The following B3GALT1 variants were observed in gnomAD, a reference collection of about 807,000 sequenced individuals.
B3GALT1 encodes beta-1,3-galactosyltransferase 1.
B3GALT1 carries 10 observed loss-of-function variants against 23.2 expected under a neutral mutation model. That is an observed-to-expected ratio of 0.43 (90% CI 0.27 to 0.73). The LOEUF is 0.73. Among genes scored for constraint, B3GALT1 ranks in the 30% least tolerant of loss-of-function variants. B3GALT1 has a pLI of 0.21. For missense variants in B3GALT1, 299 were observed against 405.4 expected, an observed-to-expected ratio of 0.74 and a Z score of 2.25; for synonymous variants, 156 against 141.5, an observed-to-expected ratio of 1.10 and a Z score of -0.73.
intron 2 of B3GALT1, among the ~76,000 whole-genome samples, chr2:167,560,060 G>C (rs1349113528): frequency 6.6e-6 from 1 of 152,104 alleles, no homozygotes; most frequent in Admixed American, 6.6e-5. Flanking sequence ...AGAGAGAAAG[G>C]TCAGGTTACC....
intron 2 of B3GALT1, among the ~76,000 whole-genome samples, chr2:167,536,961 GGTTT>G (rs35852815): frequency 1.2e-3 from 182 of 152,012 alleles, no homozygotes; most frequent in Non-Finnish European, 1.8e-3. Context: ...GCCCAACATG[GGTTT>G]CTGAAAGCCT....
intron 2 of B3GALT1, among the ~76,000 whole-genome samples, chr2:167,509,104 A>G (rs1362296145): frequency 6.6e-5 from 10 of 152,218 alleles, no homozygotes; most frequent in Admixed American, 6.5e-4. Flanking sequence ...CCTTTGGAGC[A>G]AAAATACATT....
chr2:167,824,552 G>A (rs1324652261), intron 4 of B3GALT1, among the ~76,000 whole-genome samples: 3 of 152,250 alleles, frequency 2.0e-5, no homozygotes, highest in African/African-American at 7.2e-5. Context: ...TTGACTCCCA[G>A]TCTTGCTCTC....
chr2:167,569,039 T>C lies in B3GALT1; in HGVS notation c.-409-77870T>C, dbSNP rs116387415. Among the ~76,000 whole-genome samples the C allele has an allele frequency of 9.5e-3, 1,452 of 152,052 alleles. 22 individuals are homozygous for C. Among genetic ancestry groups the C allele is most frequent in the Non-Finnish European group, 0.012 (807 of 67,860 alleles). ...TTCAAAGATCCATTGACCATATTTA[T>C]GTGGGCTTTTTCTGGGTTCTTTATT... On this transcript the variant is annotated intron_variant, in intron 2 of 4. Transcript: ENST00000392690.
intron 1 of B3GALT1, among the ~76,000 whole-genome samples, chr2:167,326,336 GC>G (rs1338066576): frequency 6.6e-6 from 1 of 151,550 alleles, no homozygotes; most frequent in Non-Finnish European, 1.5e-5. Context: ...CTGCATATTA[GC>G]CCCCTGTTAG....
At chr2:167,517,931 A>T (rs1009390127) in intron 2 of B3GALT1, among the ~76,000 whole-genome samples, 16 of 152,148 alleles carry the variant, frequency 1.1e-4, no homozygotes, top group Admixed American at 8.5e-4. Context: ...ACTCAAGTCT[A>T]TAAAAAACAT....
At chr2:167,391,461 A>G (rs1186850635) in intron 1 of B3GALT1, among the ~76,000 whole-genome samples, 2 of 152,218 alleles carry the variant, frequency 1.3e-5, no homozygotes, top group Non-Finnish European at 2.9e-5. Flanking sequence ...GTGATGAAGA[A>G]CACTTATATG....
chr2:167,652,103 T>C (rs981435677), intron 3 of B3GALT1, among the ~76,000 whole-genome samples: 9 of 151,964 alleles, frequency 5.9e-5, no homozygotes, highest in Admixed American at 2.0e-4. Flanking sequence ...GCTGAACATA[T>C]TGGGGGGAAG....
intron 1 of B3GALT1, among the ~76,000 whole-genome samples, chr2:167,405,200 A>G (rs556402728): frequency 2.6e-5 from 4 of 152,266 alleles, no homozygotes; most frequent in African/African-American, 9.6e-5. Flanking sequence ...TATAAATGCT[A>G]TTATTTAAGT....
chr2:167,568,052 A>G (rs973224434), intron 2 of B3GALT1, among the ~76,000 whole-genome samples: 1 of 152,048 alleles, frequency 6.6e-6, no homozygotes, highest in Non-Finnish European at 1.5e-5. Flanking sequence ...GTGTCTTTTC[A>G]TGGCTCAATA....
Position 167,873,719 on chromosome 2 carries a change from A to G in B3GALT1, c.*3699A>G, listed in dbSNP as rs1690392504. On this transcript the variant is annotated 3_prime_UTR_variant, in exon 5 of 5. Coordinates refer to ENST00000392690, the MANE Select transcript of B3GALT1 (RefSeq NM_020981.4). ...CATATATGAATGATTGTATTTATGT[A>G]TTTATTTGTCAAAATTGTACATACT... The G allele has an allele frequency of 1.3e-5, 2 of 152,168 alleles. No individual in the cohort carries two copies. Among genetic ancestry groups the G allele is most frequent in the South Asian group, 4.1e-4 (2 of 4,836 alleles). The allele number at this position is 152,168 out of a possible 1,614,324, so 9.4% of individuals were successfully genotyped here.
At chr2:167,662,674 A>G (rs898568899) in intron 3 of B3GALT1, among the ~76,000 whole-genome samples, 3 of 152,000 alleles carry the variant, frequency 2.0e-5, no homozygotes, top group African/African-American at 4.8e-5. Context: ...ACAGCCTTCA[A>G]TGGCTCCCCA....
At chr2:167,502,836 C>T (rs1699866109) in intron 2 of B3GALT1, among the ~76,000 whole-genome samples, 1 of 152,076 alleles carries the variant, frequency 6.6e-6, no homozygotes, top group African/African-American at 2.4e-5. Context: ...GTCAGGAGTT[C>T]GAGACCAGCC....
intron 3 of B3GALT1, among the ~76,000 whole-genome samples, chr2:167,764,182 C>G (rs11680791): frequency 0.048 from 7,334 of 152,236 alleles, 195 homozygotes; most frequent in South Asian, 0.086. Flanking sequence ...GTGCCCCGTT[C>G]CCTTCACAAA....
At chr2:167,853,249 C>T (rs1212285832) in intron 4 of B3GALT1, among the ~76,000 whole-genome samples, 1 of 152,254 alleles carries the variant, frequency 6.6e-6, no homozygotes, top group East Asian at 1.9e-4. Flanking sequence ...CAGCTCCCTA[C>T]TCTAGAAATA....
chr2:167,746,904 G>A (rs1458846402), intron 3 of B3GALT1, among the ~76,000 whole-genome samples: 1 of 152,170 alleles, frequency 6.6e-6, no homozygotes, highest in African/African-American at 2.4e-5. Flanking sequence ...TGTTGAAAGT[G>A]CATGCATTCT....
intron 1 of B3GALT1, among the ~76,000 whole-genome samples, chr2:167,445,864 C>T (rs6720884): frequency 0.15 from 23,525 of 152,064 alleles, 2,713 homozygotes; most frequent in African/African-American, 0.33. Context: ...CCCATTTACA[C>T]TTAAGGTTCA....
At chr2:167,704,158 G>GTGA (rs1176842967) in intron 3 of B3GALT1, among the ~76,000 whole-genome samples, 1 of 118,778 alleles carries the variant, frequency 8.4e-6, no homozygotes, top group Non-Finnish European at 1.6e-5. Flanking sequence ...TCCAGACTGG[G>GTGA]CAAAGGAGCG....
intron 2 of B3GALT1, among the ~76,000 whole-genome samples, chr2:167,646,557 A>G (rs1448461926): frequency 6.6e-6 from 1 of 152,176 alleles, no homozygotes; most frequent in Non-Finnish European, 1.5e-5. Context: ...CTGCCATCAC[A>G]GGATCTTCTA....
Sources: gnomAD v4.1 joint callset for allele counts (sites outside exome capture counted in the v4.1 genomes callset) on GRCh38, gnomAD v4.1.1 for gene constraint, MANE v1.5 for transcripts, NCBI Gene and HGNC (gene_info 2026-07-23, HGNC 2026-07-21) for gene names.